Variants in SPOCK2 observed in about 807,000 individuals in gnomAD.
SPOCK2 encodes the protein testican-2.
In SPOCK2, 39 loss-of-function variants were observed where a neutral mutation model predicts 60.1. The observed-to-expected ratio is 0.65, with a 90% CI of 0.50 to 0.85. SPOCK2 has a LOEUF of 0.85. Among genes scored for constraint, SPOCK2 ranks in the 40% least tolerant of loss-of-function variants. The pLI is 0.00. For missense variants in SPOCK2, 523 were observed against 567.4 expected (o/e 0.92, Z 0.80); for synonymous variants, 217 against 231.5 (o/e 0.94, Z 0.57).
intron 5 of SPOCK2, among the ~76,000 whole-genome samples, chr10:72,069,879 T>C (rs989697241): frequency 3.3e-5 from 5 of 152,194 alleles, no homozygotes; most frequent in Non-Finnish European, 7.4e-5. Flanking sequence ...GGAGGATTAT[T>C]TCCTGCTGCC....
Position 72,064,166 on chromosome 10 carries a change from C to T in SPOCK2, c.991+12G>A, listed in dbSNP as rs1840534410. ...CCACCTCCTCCTCTGAGAGCCTGGT[C>T]TGGCCCCTCACCTGGCTTCTTCTTG... On this transcript the variant is annotated intron_variant, in intron 9 of 10. Coordinates refer to ENST00000373109, the MANE Select transcript of SPOCK2 (RefSeq NM_001244950.2). The T allele has an allele frequency of 1.2e-6, 2 of 1,612,072 alleles. No homozygotes were observed. The highest frequency in any genetic ancestry group is 2.2e-5 in the East Asian group (1 of 44,810).
At chr10:72,072,998 G>A (rs1383178842) in intron 1 of SPOCK2, 88 bp from the exon 2 acceptor site, 6 of 1,538,750 alleles carry the variant, frequency 3.9e-6, no homozygotes, top group Non-Finnish European at 5.3e-6. Flanking sequence ...GAGGCCCTCT[G>A]GTGTTCCTGG....
intron 8 of SPOCK2, 132 bp downstream of exon 8, chr10:72,066,769 TG>T: frequency 4.1e-6 from 4 of 972,610 alleles, no homozygotes; most frequent in Non-Finnish European, 6.2e-6. Context: ...GTGCAGGAAG[TG>T]GGCAAGCTGG....
chr10:72,064,261 T>C, intron 8 of SPOCK2, 21 bp from the exon 9 acceptor site: 1 of 1,576,644 alleles, frequency 6.3e-7, no homozygotes, highest in Non-Finnish European at 8.6e-7. Flanking sequence ...AGAAGCAGCC[T>C]CTGATGGGAC....
At chr10:72,086,964 G>A in intron 1 of SPOCK2, 1 of 1,551,684 alleles carries the variant, frequency 6.4e-7, no homozygotes, top group Non-Finnish European at 8.7e-7. Flanking sequence ...TGTGGCCTGC[G>A]TTGTACTGGG....
At chr10:72,082,437 C>A (rs190631889) in intron 1 of SPOCK2, among the ~76,000 whole-genome samples, 1 of 152,210 alleles carries the variant, frequency 6.6e-6, no homozygotes, top group Non-Finnish European at 1.5e-5. Flanking sequence ...TGTGTCCCCC[C>A]CAGACCCATA....
intron 1 of SPOCK2, chr10:72,086,353 G>A: frequency 1.0e-6 from 1 of 999,808 alleles, no homozygotes; most frequent in South Asian, 4.3e-5. Context: ...CTCACCCACG[G>A]AGCTGGCTAT....
intron 3 of SPOCK2, 79 bp downstream of exon 3, chr10:72,072,424 A>G (rs1840660762): frequency 3.1e-6 from 5 of 1,593,166 alleles, no homozygotes; most frequent in South Asian, 2.3e-5. Flanking sequence ...GGAGCCCCCA[A>G]GCGGGCTAAG....
Position 72,072,230 on chromosome 10 carries a change from C to T in SPOCK2, c.273G>A (p.Gln91=). ...CCTTGTGGCGGCTGCACTTCACCTT[C>T]TGGCAGGGGTCCTTGGTGGTATCCA... ...EALDTTKDPC[Q]KVKCSRHKVC... is the part of the protein sequence containing the mutation. The change falls in exon 4 of 11, where the codon CAG becomes CAA. Residue 91 remains glutamine, a synonymous_variant. Transcript: ENST00000373109. 6.5e-7 allele frequency: 1 copy of T among 1,546,086 alleles called. No individual in the cohort carries two copies. Among genetic ancestry groups the T allele is most frequent in the Non-Finnish European group, 8.7e-7 (1 of 1,144,964 alleles).
At chr10:72,072,031 T>G in intron 4 of SPOCK2, 113 bp downstream of exon 4, 1 of 839,276 alleles carries the variant, frequency 1.2e-6, no homozygotes, top group African/African-American at 1.7e-5. Context: ...AAGCACTAAG[T>G]TTTACAATTT....
chr10:72,087,896 C>T lies in SPOCK2; in HGVS notation c.189+244G>A, dbSNP rs568744420. On this transcript the variant is annotated intron_variant, in intron 1 of 10. Transcript: ENST00000373109. The surrounding 1 kb of genome is among the most constrained non-coding windows in gnomAD (Gnocchi z 4.7). ...GACCCCGGAGCGCGCGACCCCGGAGCGTCGGGCAGGTGTGGAGCTGGGGGT... is the reference window on the plus strand; with the variant it reads ...GACCCCGGAGCGCGCGACCCCGGAGTGTCGGGCAGGTGTGGAGCTGGGGGT... 2.6e-5 allele frequency among the ~76,000 whole-genome samples: 4 copies of T among 152,144 alleles called. No individual in the cohort carries two copies. Among genetic ancestry groups the T allele is most frequent in the Non-Finnish European group, 5.9e-5 (4 of 67,950 alleles).
At chr10:72,076,707 C>G (rs1840719746) in intron 1 of SPOCK2, among the ~76,000 whole-genome samples, 1 of 152,246 alleles carries the variant, frequency 6.6e-6, no homozygotes, top group South Asian at 2.1e-4. Context: ...GCGTGAGCCA[C>G]TGCACCCAGC....
At chr10:72,072,609 A>G in intron 2 of SPOCK2, 61 bp from the exon 3 acceptor site, 1 of 1,610,198 alleles carries the variant, frequency 6.2e-7, no homozygotes, top group South Asian at 1.1e-5. Context: ...CCAGAGGTTC[A>G]ACTGCGGGGT....
At chr10:72,088,073 A>C in intron 1 of SPOCK2, 67 bp downstream of exon 1, 1 of 1,568,132 alleles carries the variant, frequency 6.4e-7, no homozygotes, top group Non-Finnish European at 8.7e-7. Context: ...CCGCTCCCGC[A>C]GACCCCGGAG....
At chr10:72,079,411 C>G (rs1840755010) in intron 1 of SPOCK2, among the ~76,000 whole-genome samples, 1 of 152,140 alleles carries the variant, frequency 6.6e-6, no homozygotes, top group Non-Finnish European at 1.5e-5. Flanking sequence ...CCCCCGTTCT[C>G]CAGGCATTTT....
chr10:72,070,443 G>A lies in SPOCK2; in HGVS notation c.360-17C>T, dbSNP rs375309597. ...TGCTTGATCCTACAGGAGAGGGTGG[G>A]GGGCACACCAGGGTGGAAGTGACAA... is the stretch of plus-strand genomic sequence containing the variant. On this transcript the variant is annotated splice_polypyrimidine_tract_variant and intron_variant, in intron 4 of 10. Transcript: ENST00000373109. The A allele has an allele frequency of 2.5e-6, 4 of 1,612,804 alleles. No homozygotes were observed. The African/African-American group carries it at 4.0e-5, about 16-fold the overall frequency.
At chr10:72,072,405 G>T (rs1185614733) in intron 3 of SPOCK2, 98 bp downstream of exon 3, 9 of 1,567,794 alleles carry the variant, frequency 5.7e-6, no homozygotes, top group Non-Finnish European at 7.8e-6. Flanking sequence ...CCGGGGCCTG[G>T]CTGCTCAAGG....
At chr10:72,072,396 C>CG in intron 3 of SPOCK2, 107 bp downstream of exon 3, 10 of 1,545,832 alleles carry the variant, frequency 6.5e-6, no homozygotes, top group Non-Finnish European at 8.8e-6. Flanking sequence ...CCATCCCCAC[C>CG]GGGGCCTGGC....
At chr10:72,068,158 C>T in intron 6 of SPOCK2, 29 bp downstream of exon 6, 1 of 1,590,512 alleles carries the variant, frequency 6.3e-7, no homozygotes, top group African/African-American at 1.3e-5. Flanking sequence ...TTCAGCACCC[C>T]TAGCCTGGTG....
Sources: allele counts gnomAD v4.1 joint callset (sites outside exome capture counted in the v4.1 genomes callset), GRCh38; gene constraint gnomAD v4.1.1; non-coding constraint Gnocchi (gnomAD v3.1); transcripts MANE v1.5; gene names NCBI Gene and HGNC (gene_info 2026-07-23, HGNC 2026-07-21).